Variants in ELMO2 observed in about 807,000 individuals in gnomAD.
The protein encoded by ELMO2 is engulfment and cell motility 2, also known as engulfment and cell motility protein 2.
In ELMO2, 37 loss-of-function variants were observed where a neutral mutation model predicts 96.2. The ratio of observed to expected loss-of-function variants is 0.38; its 90% CI spans 0.30 to 0.51. The LOEUF is 0.51. Ranked by LOEUF, ELMO2 falls within the 20% of genes least tolerant of loss-of-function variation. ELMO2 has a pLI of 0.88. For missense variants in ELMO2, 561 were observed against 912.6 expected (o/e 0.61, Z 4.96); for synonymous variants, 315 against 329.4 (o/e 0.96, Z 0.47).
At chr20:46,398,990 CCACACAGCAAT>C (rs1352096777) in intron 1 of ELMO2, among the ~76,000 whole-genome samples, 10 of 152,130 alleles carry the variant, frequency 6.6e-5, no homozygotes, top group Admixed American at 2.6e-4. Flanking sequence ...TTCATTTAAT[CCACACAGCAAT>C]GCTGTGTGGT....
intron 7 of ELMO2, 34 bp downstream of exon 7, chr20:46,389,005 G>A (rs757420178): frequency 3.1e-5 from 49 of 1,594,666 alleles, no homozygotes; most frequent in South Asian, 1.8e-4. Context: ...GTAAATCGTC[G>A]AAGTCCTTGG....
intron 6 of ELMO2, among the ~76,000 whole-genome samples, chr20:46,391,549 C>T (rs2060149786): frequency 6.6e-6 from 1 of 152,146 alleles, no homozygotes; most frequent in South Asian, 2.1e-4. Context: ...TTCTGGCTGC[C>T]CTTCTACAAA....
rs765084505 is a variant in ELMO2 at position 46,370,480 on chromosome 20, G to A, written c.1847C>T (p.Pro616Leu). Reference protein sequence around the residue: ...IKAIVTGKDCPHMKEKSALKQ... With the variant: ...IKAIVTGKDCLHMKEKSALKQ... Reference sequence around the variant, plus strand: ...CAGAGCACTTTTCTCTTTCATGTGGGGACAATCTTTCCCAGTGACAATGGC... The same window carrying A: ...CAGAGCACTTTTCTCTTTCATGTGGAGACAATCTTTCCCAGTGACAATGGC... The change falls in exon 20 of 22, where the codon CCC becomes CTC. Residue 616 changes from proline (P) to leucine (L), a missense_variant. By Grantham distance (98) the Pro-to-Leu change is moderately conservative. Coordinates refer to ENST00000290246, the MANE Select transcript of ELMO2 (RefSeq NM_133171.5). 1 of 1,614,120 alleles carries A rather than the reference G, an allele frequency of 6.2e-7. No homozygotes were observed. The highest frequency in any genetic ancestry group is 8.5e-7 in the Non-Finnish European group (1 of 1,180,016).
intron 9 of ELMO2, among the ~76,000 whole-genome samples, chr20:46,384,932 C>G (rs576527824): frequency 2.6e-5 from 4 of 152,090 alleles, no homozygotes; most frequent in Admixed American, 2.0e-4. Flanking sequence ...CCAGCTTGGA[C>G]GGCAGAGTGA....
Position 46,371,667 on chromosome 20 carries a change from G to A in ELMO2, c.1605C>T (p.Pro535=), listed in dbSNP as rs781407932. Residue 535 remains proline (P), a synonymous_variant, in exon 18 of 22, where the codon CCC becomes CCT. Coordinates refer to ENST00000290246, the MANE Select transcript of ELMO2 (RefSeq NM_133171.5). The surrounding 1 kb of genome is among the most constrained non-coding windows in gnomAD (Gnocchi z 5.9). ...PIVELREKIQ[P]EILELIKQQR... is the part of the protein sequence containing the mutation. ...GCTGCTTGATCAGCTCAAGGATCTC[G>A]GGCTGGATCTTCTCCCTCAGCTCCC... 3.3e-5 allele frequency: 53 copies of A among 1,613,780 alleles called. No homozygotes were observed. The South Asian group carries it at 4.0e-4, about 12-fold the overall frequency.
rs114221135 is a variant in ELMO2, at chr20:46,406,064, C to A, written c.-126+484G>T. Reference sequence around the variant, plus strand: ...GGTGGAAAGTACATGCACCGGGGTGCTACTGAGCCAGCAGGATCCACGGGG... The same window carrying A: ...GGTGGAAAGTACATGCACCGGGGTGATACTGAGCCAGCAGGATCCACGGGG... On this transcript the variant is annotated intron_variant, in intron 1 of 21. Transcript: ENST00000290246. Among the ~76,000 whole-genome samples the A allele has an allele frequency of 1.5e-3, 226 of 152,274 alleles. 2 individuals carry two copies. The highest frequency in any genetic ancestry group is 4.5e-3 in the African/African-American group (186 of 41,560).
chr20:46,393,379 G>T, intron 5 of ELMO2, 150 bp downstream of exon 5: 1 of 980,916 alleles, frequency 1.0e-6, no homozygotes, highest in Non-Finnish European at 1.6e-6. Context: ...GAAGAACAAG[G>T]GCTGGTGTTT....
chr20:46,400,406 G>T (rs2145857684), intron 1 of ELMO2, among the ~76,000 whole-genome samples: 1 of 152,332 alleles, frequency 6.6e-6, no homozygotes, highest in Non-Finnish European at 1.5e-5. Context: ...TTTCATTCTA[G>T]AAAGGAAGTA....
In ELMO2 at chr20:46,387,372, G is replaced by C. The variant is rs2060065555; in HGVS notation, c.491C>G (p.Ser164Cys). The change falls in exon 8 of 22, where the codon TCC (serine) becomes TGC (cysteine). Residue 164 changes from serine to cysteine, a missense_variant. Ser to Cys is a moderately radical substitution (Grantham distance 112). Coordinates refer to ENST00000290246, the MANE Select transcript of ELMO2 (RefSeq NM_133171.5). ...FLELMDHGIV[S>C]WDMVSITFIK... ...AAAGGTGATTGAAACCATGTCCCAG[G>C]AGACAATGCCATGGTCCATGAGCTC... 1 of 1,614,108 alleles carries C rather than the reference G, an allele frequency of 6.2e-7. No individual in the cohort carries two copies.
At chr20:46,392,637 C>A (rs1437291968) in intron 6 of ELMO2, among the ~76,000 whole-genome samples, 2 of 152,234 alleles carry the variant, frequency 1.3e-5, no homozygotes, top group African/African-American at 4.8e-5. Context: ...ATGACTGCTA[C>A]AAGCCTCCAG....
intron 2 of ELMO2, among the ~76,000 whole-genome samples, chr20:46,397,968 C>G (rs536285785): frequency 1.3e-5 from 2 of 152,312 alleles, no homozygotes; most frequent in Admixed American, 6.5e-5. Flanking sequence ...TTCCTATGCT[C>G]GGGGTACCTG....
At position 46,394,417 on chromosome 20, in the gene ELMO2, A is replaced by G; in HGVS notation, c.66T>C (p.Leu22=). 1 of 1,614,120 alleles carries G rather than the reference A, an allele frequency of 6.2e-7. No individual in the cohort carries two copies. The part of the protein sequence containing the change: ...IEWPGANAQL[L]EIDQKRPLAS... ...TTCAGGAGCATACCTGGTCGATTTC[A>G]AGGAGCTGGGCGTTAGCACCTGGCC... is the stretch of plus-strand genomic sequence containing the variant. The change falls in exon 3 of 22, where the codon CTT becomes CTC. Residue 22 remains leucine (L), a synonymous_variant. Transcript: ENST00000290246.
At chr20:46,378,468 C>G (rs1378634484) in intron 11 of ELMO2, among the ~76,000 whole-genome samples, 1 of 152,196 alleles carries the variant, frequency 6.6e-6, no homozygotes, top group African/African-American at 2.4e-5. Context: ...GCACTCATCC[C>G]CACACATGCA....
At chr20:46,383,618 A>G in intron 9 of ELMO2, 124 bp from the exon 10 acceptor site, 1 of 936,152 alleles carries the variant, frequency 1.1e-6, no homozygotes. Flanking sequence ...GCTCAGTCTC[A>G]AAAGCATTCA....
chr20:46,379,276 G>A (rs1293082714), intron 11 of ELMO2, among the ~76,000 whole-genome samples: 1 of 152,026 alleles, frequency 6.6e-6, no homozygotes, highest in Admixed American at 6.6e-5. Flanking sequence ...TTACAGGTGT[G>A]AGCCACCACG....
chr20:46,395,931 C>T (rs766523845), intron 2 of ELMO2, among the ~76,000 whole-genome samples: 12 of 152,226 alleles, frequency 7.9e-5, no homozygotes, highest in Admixed American at 3.3e-4. Context: ...TTGTTAAGTG[C>T]CCAAGGTCAC....
intron 10 of ELMO2, among the ~76,000 whole-genome samples, chr20:46,383,142 G>A (rs1265938246): frequency 2.0e-5 from 3 of 152,180 alleles, no homozygotes; most frequent in African/African-American, 7.2e-5. Context: ...TAGACCATAT[G>A]GCCCATAAAG....
rs1600879350 is a variant in ELMO2 at position 46,394,549 on chromosome 20, A to G, written c.-50-17T>C. 4 of 1,543,862 alleles carry G rather than the reference A, an allele frequency of 2.6e-6. No homozygotes were observed. In the East Asian group the frequency reaches 9.0e-5, roughly 35 times the overall value. On this transcript the variant is annotated splice_polypyrimidine_tract_variant and intron_variant, in intron 2 of 21. Transcript: ENST00000290246. Reference sequence around the variant, plus strand: ...CACGGCTGCCTGGGGAGAAAGAATCAGAAAGGTGGAAAAAGAGTATTTCTT... The same window carrying G: ...CACGGCTGCCTGGGGAGAAAGAATCGGAAAGGTGGAAAAAGAGTATTTCTT...
chr20:46,370,637 A>G (rs2059683655), intron 19 of ELMO2, 112 bp from the exon 20 acceptor site: 7 of 982,780 alleles, frequency 7.1e-6, no homozygotes, highest in South Asian at 1.3e-5. Context: ...CCTCAGCCCC[A>G]AACTCCAAGG....
Sources: gnomAD v4.1 joint callset for allele counts (sites outside exome capture counted in the v4.1 genomes callset) on GRCh38, gnomAD v4.1.1 for gene constraint, Gnocchi (gnomAD v3.1) non-coding constraint, MANE v1.5 for transcripts, NCBI Gene and HGNC (gene_info 2026-07-23, HGNC 2026-07-21) for gene names.